ALK: variants seen among roughly 807,000 people sequenced by gnomAD.
The protein encoded by ALK is ALK tyrosine kinase receptor.
In ALK, 74 loss-of-function variants were observed where a neutral mutation model predicts 163.1. The ratio of observed to expected loss-of-function variants is 0.45; its 90% confidence interval spans 0.38 to 0.55. ALK has a LOEUF of 0.55. Ranked by LOEUF, ALK falls within the 20% of genes least tolerant of loss-of-function variation. The pLI is 0.00. For synonymous variants in ALK, 960 were observed against 843.2 expected (o/e 1.14, Z -2.40); for missense variants, 2,063 against 2,105.3 (o/e 0.98, Z 0.39).
rs373589068 is a variant in ALK, at chr2:29,223,443, C to A, written c.3258G>T (p.Ser1086=). The stretch of plus-strand genomic sequence containing the variant: ...TGGGGTTGTAGTCGGTCATGATGGT[C>A]GAGGTGCGGAGCTTGCTCAGCTTGT... The part of the protein sequence containing the change: ...PEYKLSKLRT[S]TIMTDYNPNY... The change falls in exon 20 of 29, where the codon TCG becomes TCT. Residue 1086 remains serine (S), a synonymous_variant. Coordinates refer to ENST00000389048, the MANE Select transcript of ALK (RefSeq NM_004304.5). 1 of 1,614,158 alleles carries A rather than the reference C, an allele frequency of 6.2e-7. No homozygotes were observed. Among genetic ancestry groups the A allele is most frequent in the Admixed American group, 1.7e-5 (1 of 60,032 alleles).
At chr2:29,705,753 A>C (rs746339175) in intron 2 of ALK, among the ~76,000 whole-genome samples, 1 of 152,166 alleles carries the variant, frequency 6.6e-6, no homozygotes, top group Non-Finnish European at 1.5e-5. Flanking sequence ...AATTGTGAGG[A>C]GGGTGAAATG....
chr2:29,392,696 C>T (rs562410317), intron 4 of ALK, among the ~76,000 whole-genome samples: 1 of 152,228 alleles, frequency 6.6e-6, no homozygotes. Flanking sequence ...TCATTGCAAT[C>T]GGGATGGGGA....
intron 5 of ALK, among the ~76,000 whole-genome samples, chr2:29,342,411 C>T (rs535140433): frequency 4.6e-5 from 7 of 152,186 alleles, no homozygotes; most frequent in Admixed American, 3.3e-4. Flanking sequence ...ATACAGACAG[C>T]AGGTAGAATG....
intron 26 of ALK, among the ~76,000 whole-genome samples, chr2:29,199,252 C>A (rs763113905): frequency 5.9e-5 from 9 of 152,136 alleles, no homozygotes; most frequent in Non-Finnish European, 1.0e-4. Context: ...CCGCACCTGG[C>A]CTTAGTTGCT....
At chr2:29,579,669 A>G (rs1224300359) in intron 3 of ALK, among the ~76,000 whole-genome samples, 1 of 152,128 alleles carries the variant, frequency 6.6e-6, no homozygotes, top group East Asian at 1.9e-4. Flanking sequence ...CACCCACTAC[A>G]TGCCAGATTT....
At chr2:29,624,249 C>A (rs910573802) in intron 3 of ALK, among the ~76,000 whole-genome samples, 1 of 152,016 alleles carries the variant, frequency 6.6e-6, no homozygotes, top group Non-Finnish European at 1.5e-5. Flanking sequence ...AGTGTTGCAC[C>A]TATTTCTGGG....
chr2:29,229,365 G>T (rs913068939), intron 15 of ALK, among the ~76,000 whole-genome samples: 3 of 152,194 alleles, frequency 2.0e-5, no homozygotes, highest in Non-Finnish European at 4.4e-5. Context: ...GGTTAAGGAT[G>T]GGGGGACGTG....
intron 4 of ALK, among the ~76,000 whole-genome samples, chr2:29,513,280 G>A (rs1023266444): frequency 7.5e-6 from 1 of 133,636 alleles, no homozygotes; most frequent in Non-Finnish European, 1.6e-5. Flanking sequence ...AAAACAGCAT[G>A]GTACTGGTAC....
chr2:29,376,917 GAGA>G (rs1054568553), intron 5 of ALK, among the ~76,000 whole-genome samples: 19 of 152,152 alleles, frequency 1.2e-4, no homozygotes, highest in Admixed American at 9.8e-4. Flanking sequence ...GTCTTTGGTG[GAGA>G]AGAAGGAGAG....
At chr2:29,320,526 A>T (rs1373352023) in intron 7 of ALK, among the ~76,000 whole-genome samples, 1 of 152,182 alleles carries the variant, frequency 6.6e-6, no homozygotes, top group African/African-American at 2.4e-5. Flanking sequence ...ATCCCTCCTC[A>T]TGGTTCTTAT....
intron 4 of ALK, among the ~76,000 whole-genome samples, chr2:29,526,214 C>T (rs116894563): frequency 1.2e-4 from 18 of 152,106 alleles, no homozygotes; most frequent in East Asian, 1.9e-4. Flanking sequence ...TTTAAACCCA[C>T]GACAACCCCG....
chr2:29,810,239 G>C (rs4666277), intron 1 of ALK, among the ~76,000 whole-genome samples: 1 of 151,956 alleles, frequency 6.6e-6, no homozygotes, highest in Non-Finnish European at 1.5e-5. Flanking sequence ...CTGGCCAACA[G>C]GGTGATACGC....
intron 4 of ALK, among the ~76,000 whole-genome samples, chr2:29,401,793 T>C (rs1669452685): frequency 6.6e-6 from 1 of 152,152 alleles, no homozygotes; most frequent in Non-Finnish European, 1.5e-5. Context: ...ATTGAAGTCT[T>C]TTAACAGAGG....
rs1053702479 is a variant in ALK at position 29,419,164 on chromosome 2, C to T, written c.1155-35305G>A. ...CCGCCTCCCGTGTTCAAGTGATTCT[C>T]CTGACTCAGCCTCCCGAGTAGCTGG... On this transcript the variant is annotated intron_variant, in intron 4 of 28. Coordinates refer to ENST00000389048, the MANE Select transcript of ALK (RefSeq NM_004304.5). 5.3e-5 allele frequency among the ~76,000 whole-genome samples: 8 copies of T among 151,450 alleles called. 1 individual carries two copies. The highest frequency in any genetic ancestry group is 2.1e-4 in the South Asian group (1 of 4,814).
At chr2:29,892,094 G>C (rs902809008) in intron 1 of ALK, among the ~76,000 whole-genome samples, 1 of 152,172 alleles carries the variant, frequency 6.6e-6, no homozygotes, top group South Asian at 2.1e-4. Flanking sequence ...CCCCACCATG[G>C]AAGGATGTGG....
chr2:29,883,384 C>A (rs1362461524), intron 1 of ALK, among the ~76,000 whole-genome samples: 1 of 152,168 alleles, frequency 6.6e-6, no homozygotes, highest in Non-Finnish European at 1.5e-5. Context: ...TCAGTGAATT[C>A]CTTCAAGGCC....
chr2:29,830,751 A>C (rs1397433145), intron 1 of ALK, among the ~76,000 whole-genome samples: 2 of 125,536 alleles, frequency 1.6e-5, no homozygotes, highest in Admixed American at 8.3e-5. Context: ...AAAAAAAAAA[A>C]AACTTAGCCA....
intron 5 of ALK, among the ~76,000 whole-genome samples, chr2:29,353,269 C>T (rs1269222260): frequency 6.6e-6 from 1 of 152,196 alleles, no homozygotes; most frequent in Non-Finnish European, 1.5e-5. Flanking sequence ...TCAGGCCCTG[C>T]CTGTGCTTAG....
intron 4 of ALK, among the ~76,000 whole-genome samples, chr2:29,468,853 CAAAAAAAAAAAAA>C (rs70958265): frequency 9.7e-5 from 3 of 30,920 alleles, no homozygotes; most frequent in South Asian, 4.5e-3. Flanking sequence ...GACCCTGCCT[CAAAAAAAAAAAAA>C]AAAAAAAAAA....
Sources: allele counts gnomAD v4.1 joint callset (sites outside exome capture counted in the v4.1 genomes callset), GRCh38; gene constraint gnomAD v4.1.1; transcripts MANE v1.5; gene names NCBI Gene and HGNC (gene_info 2026-07-23, HGNC 2026-07-21).